Variants in EYS observed in about 807,000 individuals in gnomAD.
EYS encodes the protein EGF-like photoreceptor maintenance factor.
EYS carries 250 observed loss-of-function variants against 282.1 expected under a neutral mutation model. The ratio of observed to expected loss-of-function variants is 0.89; its 90% CI spans 0.80 to 0.98. The LOEUF (loss-of-function observed/expected upper bound fraction) is 0.98. EYS is among the 50% of genes least tolerant of loss of function. The pLI is 0.00. For missense variants in EYS, 4,016 were observed against 3,709.0 expected, an observed-to-expected ratio of 1.08 and a Z score of -2.15; for synonymous variants, 1,355 against 1,282.9, an observed-to-expected ratio of 1.06 and a Z score of -1.20.
chr6:63,789,916 T>C lies in EYS; in HGVS notation c.7412-692A>G, dbSNP rs1309257249. Among the ~76,000 whole-genome samples the C allele has an allele frequency of 2.0e-5, 3 of 152,156 alleles. No homozygotes were observed. The East Asian group carries it at 5.8e-4, about 29-fold the overall frequency. On this transcript the variant is annotated intron_variant, in intron 37 of 42. Transcript: ENST00000503581. ...AATCACTAGGGGAAGGTGCTAGCAGTATCCTTGGCGGGATTAAGAAGTTCT... is the reference window on the plus strand; with the variant it reads ...AATCACTAGGGGAAGGTGCTAGCAGCATCCTTGGCGGGATTAAGAAGTTCT...
chr6:65,057,741 G>C lies in EYS; in HGVS notation c.2024-14C>G. On this transcript the variant is annotated splice_polypyrimidine_tract_variant and intron_variant, in intron 12 of 42. Transcript: ENST00000503581. ...CACATTGCGTACCTTTGGAAAATAG[G>C]AAAAAAAAATGTTAAGTGTTAACAA... is the stretch of plus-strand genomic sequence containing the variant. The C allele has an allele frequency of 7.1e-7, 1 of 1,406,600 alleles. No homozygotes were observed. The highest frequency in any genetic ancestry group is 9.8e-7 in the Non-Finnish European group (1 of 1,022,752). The allele number at this position is 1,406,600 out of a possible 1,614,324, so 87.1% of individuals were successfully genotyped here.
intron 30 of EYS, among the ~76,000 whole-genome samples, chr6:64,266,171 T>C (rs1213251343): frequency 6.6e-6 from 1 of 152,150 alleles, no homozygotes; most frequent in Non-Finnish European, 1.5e-5. Flanking sequence ...TATTTCAGTT[T>C]CTAATTTTAC....
intron 42 of EYS, 38 bp downstream of exon 42, chr6:63,726,481 G>T: frequency 6.6e-7 from 1 of 1,515,754 alleles, no homozygotes; most frequent in Non-Finnish European, 8.9e-7. Context: ...TAGACTATTA[G>T]GAATTCATTC....
At chr6:63,938,393 G>A (rs190907749) in intron 35 of EYS, among the ~76,000 whole-genome samples, 2 of 152,180 alleles carry the variant, frequency 1.3e-5, no homozygotes, top group Non-Finnish European at 2.9e-5. Flanking sequence ...AGGAAACAGG[G>A]CTCTGCAGAA....
intron 35 of EYS, among the ~76,000 whole-genome samples, chr6:63,918,592 A>T (rs937798241): frequency 1.4e-4 from 21 of 152,304 alleles, no homozygotes; most frequent in Admixed American, 3.9e-4. Context: ...CTGGTCATGC[A>T]GTATCAGTAA....
chr6:65,438,031 A>G (rs183113297), intron 5 of EYS, among the ~76,000 whole-genome samples: 75 of 117,340 alleles, frequency 6.4e-4, no homozygotes, highest in South Asian at 1.1e-3. Context: ...GACAGGCCTC[A>G]GTGTGTGATG....
At chr6:64,202,848 G>A (rs1765504896) in intron 31 of EYS, among the ~76,000 whole-genome samples, 1 of 152,168 alleles carries the variant, frequency 6.6e-6, no homozygotes, top group Non-Finnish European at 1.5e-5. Context: ...GGAATGCTTT[G>A]GAGACACCAA....
intron 35 of EYS, among the ~76,000 whole-genome samples, chr6:63,937,340 CTTT>C (rs1457486534): frequency 0.018 from 840 of 46,074 alleles, 12 homozygotes; most frequent in African/African-American, 0.054. Flanking sequence ...AGGCTTCTCT[CTTT>C]TCTTTTTTTT....
intron 26 of EYS, among the ~76,000 whole-genome samples, chr6:64,554,233 T>A (rs186476665): frequency 6.6e-6 from 1 of 152,130 alleles, no homozygotes; most frequent in African/African-American, 2.4e-5. Flanking sequence ...ACCCTACTTA[T>A]GAATTGAAAT....
At chr6:64,242,657 G>C (rs770009082) in intron 30 of EYS, among the ~76,000 whole-genome samples, 31 of 150,830 alleles carry the variant, frequency 2.1e-4, no homozygotes, top group Non-Finnish European at 3.2e-4. Flanking sequence ...TGGTTTCATC[G>C]GCCTGGAATG....
At chr6:64,689,577 T>C (rs1173367479) in intron 22 of EYS, among the ~76,000 whole-genome samples, 3 of 152,030 alleles carry the variant, frequency 2.0e-5, no homozygotes, top group South Asian at 2.1e-4. Flanking sequence ...CTTCACACTA[T>C]ACTACAAGGC....
chr6:64,012,020 T>TCCTC, intron 33 of EYS, among the ~76,000 whole-genome samples: 1 of 150,272 alleles, frequency 6.7e-6, no homozygotes, highest in Non-Finnish European at 1.5e-5. Context: ...TCCTCTCCTC[T>TCCTC]CCTCTCCTCT....
At chr6:64,715,864 A>G (rs956929010) in intron 22 of EYS, among the ~76,000 whole-genome samples, 2 of 152,198 alleles carry the variant, frequency 1.3e-5, no homozygotes, top group African/African-American at 4.8e-5. Flanking sequence ...TCACACAAGT[A>G]AGCAAGTTTT....
intron 12 of EYS, among the ~76,000 whole-genome samples, chr6:65,275,511 TTC>T (rs1335286977): frequency 2.0e-5 from 3 of 152,156 alleles, no homozygotes; most frequent in Admixed American, 6.5e-5. Flanking sequence ...CCACACTGTC[TTC>T]TCTCTTTGAG....
chr6:64,059,858 T>C (rs1771104306), intron 33 of EYS, among the ~76,000 whole-genome samples: 1 of 152,176 alleles, frequency 6.6e-6, no homozygotes, highest in Non-Finnish European at 1.5e-5. Context: ...TTTATATATT[T>C]ACACACATGC....
intron 31 of EYS, among the ~76,000 whole-genome samples, chr6:64,097,883 G>C (rs909556843): frequency 1.3e-5 from 2 of 152,122 alleles, no homozygotes; most frequent in Non-Finnish European, 2.9e-5. Flanking sequence ...TACAAAAAGA[G>C]ACATTTTGGC....
At chr6:64,701,125 ATACCC>A (rs946036877) in intron 22 of EYS, among the ~76,000 whole-genome samples, 17 of 152,110 alleles carry the variant, frequency 1.1e-4, no homozygotes, top group Admixed American at 5.2e-4. Context: ...TGGAAAAAGG[ATACCC>A]TATTCAATAA....
At chr6:64,417,256 T>A (rs1279817957) in intron 28 of EYS, among the ~76,000 whole-genome samples, 6 of 152,224 alleles carry the variant, frequency 3.9e-5, no homozygotes, top group African/African-American at 1.4e-4. Context: ...TTATACTATA[T>A]GAAAAATTAC....
intron 37 of EYS, 96 bp downstream of exon 37, chr6:63,806,094 C>T: frequency 1.8e-6 from 2 of 1,133,236 alleles, no homozygotes; most frequent in South Asian, 1.7e-5. Context: ...AGGCAAAGGT[C>T]TTTTTTTTAC....
Sources: allele counts gnomAD v4.1 joint callset (sites outside exome capture counted in the v4.1 genomes callset), GRCh38; gene constraint gnomAD v4.1.1; transcripts MANE v1.5; gene names NCBI Gene and HGNC (gene_info 2026-07-23, HGNC 2026-07-21).